HS3ST4: variants seen among roughly 807,000 people sequenced by gnomAD.
HS3ST4 encodes heparan sulfate glucosamine 3-O-sulfotransferase 4.
HS3ST4 carries 17 observed loss-of-function variants against 29.2 expected under a neutral mutation model. That is an observed-to-expected ratio of 0.58 (90% confidence interval 0.40 to 0.87). The LOEUF is 0.87. Among genes scored for constraint, HS3ST4 ranks in the 40% least tolerant of loss-of-function variants. HS3ST4 has a pLI of 0.00. For missense variants in HS3ST4, 627 were observed against 634.5 expected (o/e 0.99, Z 0.13); for synonymous variants, 314 against 285.7 (o/e 1.10, Z -1.00).
chr16:26,004,745 A>C (rs1969242099), intron 1 of HS3ST4, among the ~76,000 whole-genome samples: 1 of 152,194 alleles, frequency 6.6e-6, no homozygotes, highest in Non-Finnish European at 1.5e-5. Flanking sequence ...GGCTGCCATC[A>C]TGGTAGCATG....
At chr16:25,711,518 G>A (rs1238026152) in intron 1 of HS3ST4, among the ~76,000 whole-genome samples, 2 of 152,148 alleles carry the variant, frequency 1.3e-5, no homozygotes, top group African/African-American at 4.8e-5. Flanking sequence ...AGGAGCTGGT[G>A]GCAGAGACAT....
chr16:25,815,893 A>G (rs771107570), intron 1 of HS3ST4, among the ~76,000 whole-genome samples: 1 of 152,176 alleles, frequency 6.6e-6, no homozygotes, highest in Non-Finnish European at 1.5e-5. Context: ...ATGATTTTCA[A>G]TATCCATTTG....
chr16:25,897,776 A>G (rs1257714307), intron 1 of HS3ST4, among the ~76,000 whole-genome samples: 2 of 152,052 alleles, frequency 1.3e-5, no homozygotes, highest in African/African-American at 4.8e-5. Context: ...GCCTCACTGA[A>G]AAGACTCTGG....
At chr16:25,928,133 C>T (rs1219884861) in intron 1 of HS3ST4, among the ~76,000 whole-genome samples, 1 of 149,720 alleles carries the variant, frequency 6.7e-6, no homozygotes, top group Non-Finnish European at 1.5e-5. Context: ...ATGTTCGAGG[C>T]TGCAATAAGC....
At chr16:25,856,081 G>A (rs1470637393) in intron 1 of HS3ST4, among the ~76,000 whole-genome samples, 1 of 152,098 alleles carries the variant, frequency 6.6e-6, no homozygotes, top group Non-Finnish European at 1.5e-5. Flanking sequence ...AGAGCCACAA[G>A]GGACCTTCCT....
chr16:25,787,301 A>G (rs897355010), intron 1 of HS3ST4, among the ~76,000 whole-genome samples: 1 of 152,264 alleles, frequency 6.6e-6, no homozygotes, highest in Non-Finnish European at 1.5e-5. Context: ...TAGGTGGGAA[A>G]TACGAGAATG....
rs565843645 is a variant in HS3ST4 at position 25,761,845 on chromosome 16, C to T, written c.734+68694C>T. On this transcript the variant is annotated intron_variant, in intron 1 of 1. Coordinates refer to ENST00000331351, the MANE Select transcript of HS3ST4 (RefSeq NM_006040.3). ...CTCTTTCTATATGTACTAATGTAAT[C>T]CTCATGGCGATCCTCTGAGGTAGAT... Among the ~76,000 whole-genome samples the T allele has an allele frequency of 8.5e-5, 13 of 152,310 alleles. No individual in the cohort carries two copies. The East Asian group carries it at 2.3e-3, about 27-fold the overall frequency.
At chr16:26,120,010 C>A (rs746554603) in intron 1 of HS3ST4, among the ~76,000 whole-genome samples, 27 of 151,348 alleles carry the variant, frequency 1.8e-4, no homozygotes, top group Non-Finnish European at 5.9e-5. Flanking sequence ...TGCACTGAGA[C>A]CTGAATAAGA....
intron 1 of HS3ST4, among the ~76,000 whole-genome samples, chr16:25,856,732 C>G (rs1403676872): frequency 1.3e-5 from 2 of 152,174 alleles, no homozygotes; most frequent in Non-Finnish European, 1.5e-5. Context: ...CAGTCCTGAA[C>G]CATGGGTTGG....
At chr16:25,873,578 GTCCATCCATCCATTCA>G (rs1307567874) in intron 1 of HS3ST4, among the ~76,000 whole-genome samples, 5 of 133,764 alleles carry the variant, frequency 3.7e-5, no homozygotes, top group African/African-American at 1.4e-4. Flanking sequence ...CCACCCATTT[GTCCATCCATCCATTCA>G]TCCATCCATC....
intron 1 of HS3ST4, among the ~76,000 whole-genome samples, chr16:26,011,197 A>G (rs1185048862): frequency 6.6e-6 from 1 of 152,224 alleles, no homozygotes; most frequent in Admixed American, 6.5e-5. Flanking sequence ...TAAGATAAAT[A>G]CATGAAATTA....
intron 1 of HS3ST4, among the ~76,000 whole-genome samples, chr16:25,906,752 A>G (rs552722526): frequency 6.6e-6 from 1 of 152,312 alleles, no homozygotes; most frequent in Admixed American, 6.5e-5. Context: ...AAAATACAAG[A>G]CATGTATATG....
chr16:26,050,266 C>T (rs1394703719), intron 1 of HS3ST4, among the ~76,000 whole-genome samples: 1 of 152,040 alleles, frequency 6.6e-6, no homozygotes, highest in African/African-American at 2.4e-5. Flanking sequence ...AGTCATATGC[C>T]AGGGAAGAGG....
At chr16:26,124,090 T>C (rs952569726) in intron 1 of HS3ST4, among the ~76,000 whole-genome samples, 4 of 152,140 alleles carry the variant, frequency 2.6e-5, no homozygotes, top group Non-Finnish European at 5.9e-5. Flanking sequence ...CCGTCTAATT[T>C]TGTATTTTTA....
intron 1 of HS3ST4, among the ~76,000 whole-genome samples, chr16:25,847,712 C>T (rs980433313): frequency 2.0e-4 from 31 of 152,070 alleles, no homozygotes; most frequent in Admixed American, 1.8e-3. Context: ...AGCTCTTTGT[C>T]AAGATTTTAA....
chr16:25,763,432 G>A (rs879544448), intron 1 of HS3ST4, among the ~76,000 whole-genome samples: 4 of 152,160 alleles, frequency 2.6e-5, no homozygotes, highest in Non-Finnish European at 5.9e-5. Flanking sequence ...AGGGCTCTTG[G>A]GGAGTGCAGG....
At chr16:25,952,306 C>G (rs550365849) in intron 1 of HS3ST4, among the ~76,000 whole-genome samples, 10 of 152,148 alleles carry the variant, frequency 6.6e-5, no homozygotes, top group Non-Finnish European at 1.3e-4. Context: ...CAGTCCTGGG[C>G]CTCAAAACAG....
chr16:26,089,771 A>C (rs1411328065), intron 1 of HS3ST4, among the ~76,000 whole-genome samples: 1 of 152,190 alleles, frequency 6.6e-6, no homozygotes, highest in Non-Finnish European at 1.5e-5. Flanking sequence ...GCTAAGAGAT[A>C]ATATAGCACA....
At chr16:25,895,307 C>T (rs1968049283) in intron 1 of HS3ST4, among the ~76,000 whole-genome samples, 1 of 152,128 alleles carries the variant, frequency 6.6e-6, no homozygotes, top group Non-Finnish European at 1.5e-5. Context: ...ATAAAGCTTG[C>T]TCGGTAGACA....
Sources: gnomAD v4.1 joint callset for allele counts (sites outside exome capture counted in the v4.1 genomes callset) on GRCh38, gnomAD v4.1.1 for gene constraint, MANE v1.5 for transcripts, NCBI Gene and HGNC (gene_info 2026-07-23, HGNC 2026-07-21) for gene names.